TANGO6: variants seen among roughly 807,000 people sequenced by gnomAD.
The protein encoded by TANGO6 is transport and golgi organization 6 homolog, also known as transport and Golgi organization protein 6 homolog.
TANGO6 carries 90 observed loss-of-function variants against 114.2 expected under a neutral mutation model. The observed-to-expected ratio is 0.79, with a 90% CI of 0.66 to 0.94. TANGO6 has a LOEUF of 0.94. TANGO6 is among the 40% of genes least tolerant of loss of function. The pLI is 0.00. For synonymous variants in TANGO6, 477 were observed against 509.8 expected, an observed-to-expected ratio of 0.94 and a Z score of 0.87; for missense variants, 1,274 against 1,315.3, an observed-to-expected ratio of 0.97 and a Z score of 0.49.
rs954507901 is a variant in TANGO6, at chr16:69,032,515, G to A, written c.2995-7793G>A. 5.3e-5 allele frequency among the ~76,000 whole-genome samples: 8 copies of A among 151,880 alleles called. No homozygotes were observed. The South Asian group carries it at 6.2e-4, about 12-fold the overall frequency. On this transcript the variant is annotated intron_variant, in intron 16 of 17. Transcript: ENST00000261778. ...ACTCCTGAGTTCAGGCAACCCACCC[G>A]CCTCAGCCTCCCAAAGTGCTAGGAT...
intron 14 of TANGO6, among the ~76,000 whole-genome samples, chr16:68,950,565 A>T (rs1051150352): frequency 1.3e-5 from 2 of 149,424 alleles, no homozygotes; most frequent in Non-Finnish European, 3.0e-5. Flanking sequence ...ACTCTGTTTT[A>T]AAAAAAAAAT....
At chr16:68,862,587 A>G (rs1373040715) in intron 2 of TANGO6, among the ~76,000 whole-genome samples, 2 of 152,218 alleles carry the variant, frequency 1.3e-5, no homozygotes, top group Non-Finnish European at 2.9e-5. Flanking sequence ...TCTGCAGGGG[A>G]TATGCCTCTG....
chr16:68,927,454 A>G (rs1963181750), intron 12 of TANGO6, 114 bp from the exon 13 acceptor site: 2 of 1,144,612 alleles, frequency 1.7e-6, no homozygotes, highest in South Asian at 3.0e-5. Flanking sequence ...TGATTACACC[A>G]TGAGCAAGAT....
chr16:68,868,590 C>T (rs920395596), intron 4 of TANGO6, among the ~76,000 whole-genome samples: 1 of 151,080 alleles, frequency 6.6e-6, no homozygotes, highest in East Asian at 1.9e-4. Flanking sequence ...CTCCACCTCC[C>T]GGGTTCACTC....
chr16:68,940,488 G>A (rs1461288513), intron 14 of TANGO6, among the ~76,000 whole-genome samples: 1 of 152,056 alleles, frequency 6.6e-6, no homozygotes, highest in Non-Finnish European at 1.5e-5. Flanking sequence ...GTGGAGTCTT[G>A]TTTTGACATC....
intron 17 of TANGO6, among the ~76,000 whole-genome samples, chr16:69,044,546 G>A (rs1959821093): frequency 6.6e-6 from 1 of 152,116 alleles, no homozygotes; most frequent in South Asian, 2.1e-4. Flanking sequence ...CGATATAGTA[G>A]GGGCACTGGC....
chr16:69,028,358 A>C (rs187081686), intron 16 of TANGO6, among the ~76,000 whole-genome samples: 2 of 152,248 alleles, frequency 1.3e-5, no homozygotes, highest in Admixed American at 6.5e-5. Flanking sequence ...GGCCAGGTGC[A>C]GAGGCCCACG....
chr16:68,892,435 G>A (rs1438260778), intron 7 of TANGO6, among the ~76,000 whole-genome samples: 2 of 152,028 alleles, frequency 1.3e-5, no homozygotes, highest in Non-Finnish European at 2.9e-5. Context: ...ATCCACATTG[G>A]CCTCTGACTT....
rs1963190483 is a variant in TANGO6, at chr16:68,927,954, G to A, written c.2514G>A (p.Gln838=). Residue 838 remains glutamine (Q), a synonymous_variant, in exon 13 of 18, where the codon CAG becomes CAA. Transcript: ENST00000261778. ...SQKSGSVTTE[Q]LQEVLLSAYD... is the part of the protein sequence containing the mutation. ...AATCTGGAAGCGTAACCACAGAACA[G>A]CTCCAAGAGGTTCTTTTGTCAGCTT... 1.9e-6 allele frequency: 3 copies of A among 1,613,700 alleles called. No individual in the cohort carries two copies. The highest frequency in any genetic ancestry group is 1.3e-5 in the African/African-American group (1 of 74,924).
chr16:68,962,556 G>A (rs948092211), intron 14 of TANGO6, among the ~76,000 whole-genome samples: 4 of 152,080 alleles, frequency 2.6e-5, no homozygotes, highest in African/African-American at 7.2e-5. Context: ...ACCTGAGGTC[G>A]GGAATTCAAG....
At chr16:68,995,999 C>A (rs775327722) in intron 15 of TANGO6, among the ~76,000 whole-genome samples, 3 of 152,156 alleles carry the variant, frequency 2.0e-5, no homozygotes, top group African/African-American at 7.2e-5. Context: ...AAGAGGCTTA[C>A]AAATGCACAC....
intron 4 of TANGO6, among the ~76,000 whole-genome samples, chr16:68,872,327 A>C (rs901580591): frequency 1.3e-5 from 2 of 148,264 alleles, no homozygotes; most frequent in African/African-American, 5.0e-5. Flanking sequence ...TTTGAGGCAG[A>C]GTCTTGCTCT....
Position 68,899,632 on chromosome 16 carries a change from C to T in TANGO6, c.1378-802C>T, listed in dbSNP as rs76115377. On this transcript the variant is annotated intron_variant, in intron 7 of 17. Coordinates refer to ENST00000261778, the MANE Select transcript of TANGO6 (RefSeq NM_024562.2). ...TCTTTTTTTTTGAGACAGGGTCTTA[C>T]TCTGTCACCCAGGCTGGAGGGCAGT... 7.0e-3 allele frequency among the ~76,000 whole-genome samples: 1,070 copies of T among 151,786 alleles called. 7 individuals are homozygous for T. The highest frequency in any genetic ancestry group is 0.022 in the African/African-American group (910 of 41,370).
At chr16:69,021,186 C>G (rs145174821) in intron 15 of TANGO6, among the ~76,000 whole-genome samples, 6 of 152,266 alleles carry the variant, frequency 3.9e-5, no homozygotes, top group Admixed American at 3.9e-4. Context: ...CAAGGCCCTT[C>G]ATGATCTACC....
chr16:69,026,308 A>T (rs1959501348), intron 16 of TANGO6: 1 of 152,082 alleles, frequency 6.6e-6, no homozygotes, highest in African/African-American at 2.4e-5. Flanking sequence ...ACTGACTTCA[A>T]ACTTTTTTTT....
chr16:69,061,752 G>T (rs142956456), intron 17 of TANGO6, among the ~76,000 whole-genome samples: 1 of 152,064 alleles, frequency 6.6e-6, no homozygotes, highest in Non-Finnish European at 1.5e-5. Flanking sequence ...GCGCGCGGTG[G>T]CTCACGCCTG....
intron 12 of TANGO6, among the ~76,000 whole-genome samples, chr16:68,923,558 T>C (rs545542178): frequency 5.9e-5 from 9 of 152,276 alleles, no homozygotes; most frequent in Non-Finnish European, 1.0e-4. Flanking sequence ...GGGTGCTCTA[T>C]AGAACTGCTT....
chr16:69,024,202 T>G (rs1959461708), intron 16 of TANGO6, among the ~76,000 whole-genome samples: 1 of 151,218 alleles, frequency 6.6e-6, no homozygotes, highest in African/African-American at 2.4e-5. Context: ...ACACCTGAAC[T>G]CAGAGTTTAT....
intron 6 of TANGO6, 140 bp from the exon 7 acceptor site, chr16:68,880,408 T>C: frequency 1.9e-6 from 1 of 521,592 alleles, no homozygotes; most frequent in Non-Finnish European, 3.4e-6. Flanking sequence ...ATGAATTGTG[T>C]ATTGTTCAAT....
Sources: gnomAD v4.1 joint callset for allele counts (sites outside exome capture counted in the v4.1 genomes callset) on GRCh38, gnomAD v4.1.1 for gene constraint, MANE v1.5 for transcripts, NCBI Gene and HGNC (gene_info 2026-07-23, HGNC 2026-07-21) for gene names.